The following FAH variants were observed in gnomAD, a reference collection of about 807,000 sequenced individuals.
FAH encodes fumarylacetoacetate hydrolase.
Under a neutral mutation model 55.8 loss-of-function variants are expected in FAH, and 47 were observed. The observed-to-expected ratio is 0.84, with a 90% CI of 0.67 to 1.07. The LOEUF is 1.07. Among genes scored for constraint, FAH ranks in the 50% least tolerant of loss-of-function variants. The pLI is 0.00. For synonymous variants in FAH, 199 were observed against 207.7 expected (o/e 0.96, Z 0.36); for missense variants, 495 against 545.9 (o/e 0.91, Z 0.93).
rs752481286 is a variant in FAH, at chr15:80,180,301, T to G, written c.1062+76T>G. On this transcript the variant is annotated intron_variant, in intron 12 of 13. Coordinates refer to ENST00000561421, the MANE Select transcript of FAH (RefSeq NM_000137.4). ...CCACACAGCCCCAAGGGCCCTCAGC[T>G]CAGCCTCGAGAAGAGATTTCAGGCC... The G allele has an allele frequency of 1.3e-5, 16 of 1,207,550 alleles. No homozygotes were observed. The Admixed American group carries it at 1.4e-4, about 11-fold the overall frequency. The allele number at this position is 1,207,550 out of a possible 1,614,324, so 74.8% of individuals were successfully genotyped here.
intron 3 of FAH, chr15:80,160,192 T>C: frequency 1.5e-6 from 1 of 649,554 alleles, no homozygotes; most frequent in South Asian, 1.8e-5. Context: ...GAGTTTCCAC[T>C]TGTCTAGTCC....
intron 10 of FAH, among the ~76,000 whole-genome samples, chr15:80,177,076 TAGTACGTTGTGA>T (rs1309454307): frequency 6.6e-6 from 1 of 152,192 alleles, no homozygotes; most frequent in African/African-American, 2.4e-5. Context: ...AAATATTGTT[TAGTACGTTGTGA>T]AGTAGCACAC....
intron 11 of FAH, among the ~76,000 whole-genome samples, chr15:80,178,551 A>T (rs1189627107): frequency 6.6e-6 from 1 of 151,206 alleles, no homozygotes; most frequent in Non-Finnish European, 1.5e-5. Flanking sequence ...ATTGCCTTAT[A>T]GTGTTGCACT....
intron 11 of FAH, among the ~76,000 whole-genome samples, chr15:80,178,884 G>A (rs1199139100): frequency 1.3e-5 from 2 of 152,106 alleles, no homozygotes; most frequent in African/African-American, 4.8e-5. Flanking sequence ...CACTGCGCCC[G>A]GCCAACTGAC....
intron 5 of FAH, among the ~76,000 whole-genome samples, chr15:80,165,396 C>T (rs1376672250): frequency 2.0e-5 from 3 of 152,102 alleles, no homozygotes; most frequent in Non-Finnish European, 4.4e-5. Context: ...GTCATGATGG[C>T]GGGTGCCTGT....
intron 10 of FAH, among the ~76,000 whole-genome samples, chr15:80,175,865 T>G (rs2041279164): frequency 6.6e-6 from 1 of 152,062 alleles, no homozygotes; most frequent in Non-Finnish European, 1.5e-5. Context: ...TGGGACAGGG[T>G]CTGTACCTAG....
rs749729119 is a variant in FAH, at chr15:80,159,739, C to T, written c.193-17C>T. On this transcript the variant is annotated splice_polypyrimidine_tract_variant and intron_variant, in intron 2 of 13. Transcript: ENST00000561421. ...TTTTCCTGTACGTGATCTTTTTTCTCCCTGTTTTGGTCTTAGCCTACACTC... is the reference window on the plus strand; with the variant it reads ...TTTTCCTGTACGTGATCTTTTTTCTTCCTGTTTTGGTCTTAGCCTACACTC... 1 of 1,614,112 alleles carries T rather than the reference C, an allele frequency of 6.2e-7. No individual in the cohort carries two copies. Among genetic ancestry groups the T allele is most frequent in the Non-Finnish European group, 8.5e-7 (1 of 1,179,992 alleles).
chr15:80,158,319 G>A, intron 2 of FAH, 149 bp downstream of exon 2: 1 of 739,314 alleles, frequency 1.4e-6, no homozygotes, highest in Non-Finnish European at 2.4e-6. Context: ...GGGTTGTTTT[G>A]AGACAGACAA....
chr15:80,162,230 G>T lies in FAH; in HGVS notation c.365-16G>T, dbSNP rs758141842. On this transcript the variant is annotated splice_polypyrimidine_tract_variant and intron_variant, in intron 4 of 13. Transcript: ENST00000561421. ...TGTGGGTTGCTGATGGGATCTGTTG[G>T]GTCTTTCCTCTGCAGGAGACTACAC... is the stretch of plus-strand genomic sequence containing the variant. 1.9e-6 allele frequency: 3 copies of T among 1,607,110 alleles called. No individual in the cohort carries two copies. In the South Asian group the frequency reaches 3.3e-5, roughly 18 times the overall value.
At chr15:80,154,119 A>ATTGT (rs2041078449) in intron 1 of FAH, among the ~76,000 whole-genome samples, 1 of 152,202 alleles carries the variant, frequency 6.6e-6, no homozygotes. Flanking sequence ...CGGGCTGACC[A>ATTGT]GATGTTGCAA....
chr15:80,165,769 A>G (rs557567893), intron 5 of FAH, among the ~76,000 whole-genome samples: 2 of 152,144 alleles, frequency 1.3e-5, no homozygotes, highest in Non-Finnish European at 2.9e-5. Flanking sequence ...AATGAGGACC[A>G]TGCTGGTTTC....
At position 80,181,242 on chromosome 15, in the gene FAH, A is replaced by G. The variant is rs148363797; in HGVS notation, c.1180+83A>G. 11,961 of 947,998 alleles carry G rather than the reference A, an allele frequency of 0.013. 158 individuals are homozygous for G. Among genetic ancestry groups the G allele is most frequent in the Non-Finnish European group, 0.013 (7,866 of 583,768 alleles). The allele number at this position is 947,998 out of a possible 1,614,324, so 58.7% of individuals were successfully genotyped here. On this transcript the variant is annotated intron_variant, in intron 13 of 13. Coordinates refer to ENST00000561421, the MANE Select transcript of FAH (RefSeq NM_000137.4). ...AGCTGCGGGGCGCTCCTACCTGGCC[A>G]TGAAGCCATCTGTTCTCACGCATCC... is the stretch of plus-strand genomic sequence containing the variant.
At chr15:80,162,389 C>T in intron 5 of FAH, 53 bp downstream of exon 5, 1 of 1,499,894 alleles carries the variant, frequency 6.7e-7, no homozygotes, top group South Asian at 1.1e-5. Context: ...TTTTCATTTC[C>T]AGCAGCATAT....
In FAH at chr15:80,173,253, TGTGCCCACGGC is replaced by T. The variant is rs557467122; in HGVS notation, c.837+110_837+120del. The stretch of plus-strand genomic sequence containing the variant: ...ATGCAGACCATCAGGAGGGAAGCTC[TGTGCCCACGGC>T]ATGCCCACAGCAGAGTGCCTGGGAG... On this transcript the variant is annotated intron_variant, in intron 9 of 13. Coordinates refer to ENST00000561421, the MANE Select transcript of FAH (RefSeq NM_000137.4). The T allele has an allele frequency of 2.3e-3, 3,298 of 1,451,912 alleles. 5 individuals are homozygous for T. The highest frequency in any genetic ancestry group is 2.6e-3 in the Non-Finnish European group (2,653 of 1,038,134). The allele number at this position is 1,451,912 out of a possible 1,614,324, so 89.9% of individuals were successfully genotyped here.
At chr15:80,170,936 T>C (rs1448087104) in intron 7 of FAH, among the ~76,000 whole-genome samples, 1 of 152,154 alleles carries the variant, frequency 6.6e-6, no homozygotes, top group Non-Finnish European at 1.5e-5. Flanking sequence ...GACATCACGT[T>C]GGTGCTGTTT....
chr15:80,156,108 A>G (rs765976211), intron 1 of FAH: 10 of 261,750 alleles, frequency 3.8e-5, no homozygotes, highest in Non-Finnish European at 6.8e-5. Context: ...GGAAAGGGAG[A>G]CTCCCTTTTG....
intron 4 of FAH, among the ~76,000 whole-genome samples, chr15:80,161,989 G>T (rs187304843): frequency 6.7e-4 from 102 of 152,362 alleles, no homozygotes; most frequent in African/African-American, 2.4e-3. Flanking sequence ...CAGCCACTTG[G>T]TGTTCACATT....
intron 1 of FAH, among the ~76,000 whole-genome samples, chr15:80,155,696 A>G (rs2041092499): frequency 6.6e-6 from 1 of 151,980 alleles, no homozygotes; most frequent in Non-Finnish European, 1.5e-5. Context: ...GGGCACACTG[A>G]TATTTATTGC....
intron 13 of FAH, among the ~76,000 whole-genome samples, chr15:80,185,228 T>G (rs2142111818): frequency 6.6e-6 from 1 of 152,324 alleles, no homozygotes; most frequent in East Asian, 1.9e-4. Flanking sequence ...TCATAATGGT[T>G]GTAATGACTG....
Sources: gnomAD v4.1 joint callset for allele counts (sites outside exome capture counted in the v4.1 genomes callset) on GRCh38, gnomAD v4.1.1 for gene constraint, MANE v1.5 for transcripts, NCBI Gene and HGNC (gene_info 2026-07-23, HGNC 2026-07-21) for gene names.